TTN: variants seen among roughly 807,000 people sequenced by gnomAD.
The protein encoded by TTN is titin.
A neutral mutation model predicts 3,223.0 loss-of-function variants in TTN; 1,525 were observed. The ratio of observed to expected loss-of-function variants is 0.47; its 90% CI spans 0.45 to 0.49. TTN has a LOEUF of 0.49. TTN is among the 20% of genes least tolerant of loss of function. TTN has a pLI of 0.00. For synonymous variants in TTN, 14,094 were observed against 15,161.0 expected, an observed-to-expected ratio of 0.93 and a Z score of 5.17; for missense variants, 40,786 against 43,424.0, an observed-to-expected ratio of 0.94 and a Z score of 5.40.
chr2:178,794,551 C>T lies in TTN; in HGVS notation c.1246G>A (p.Val416Met), dbSNP rs1361179427. 1.1e-5 allele frequency: 17 copies of T among 1,614,158 alleles called. No individual in the cohort carries two copies. Among genetic ancestry groups the T allele is most frequent in the Non-Finnish European group, 1.4e-5 (17 of 1,180,006 alleles). ...AEAVATGAKEVKQDADKSAAV... is the reference protein window; with the variant it reads ...AEAVATGAKEMKQDADKSAAV... Reference sequence around the variant, plus strand: ...GCACTTTTGTCAGCATCTTGTTTCACCTAGATTAGAAATGACCAAGTAGAT... The same window carrying T: ...GCACTTTTGTCAGCATCTTGTTTCATCTAGATTAGAAATGACCAAGTAGAT... The change falls in exon 8 of 363, where the codon GTG becomes ATG. Residue 416 changes from valine to methionine, a missense_variant and splice_region_variant. Val to Met is a conservative substitution (Grantham distance 21, BLOSUM62 1). Transcript: ENST00000589042.
rs1575837418 is a variant in TTN, at chr2:178,577,751, T to C, written c.68675A>G (p.Asn22892Ser). The change falls in exon 323 of 363, where the codon AAC becomes AGC. Residue 22892 changes from asparagine to serine, a missense_variant. By Grantham distance (46) the Asn-to-Ser change is conservative. Coordinates refer to ENST00000589042, the MANE Select transcript of TTN (RefSeq NM_001267550.2). ...DLPSKSWMKA[N>S]HVNVPECAFT... ...GGCACATTCTGGGACATTAACATGGTTGGCTTTCATCCAAGACTTCGAAGG... is the reference window on the plus strand; with the variant it reads ...GGCACATTCTGGGACATTAACATGGCTGGCTTTCATCCAAGACTTCGAAGG... 2 of 1,613,434 alleles carry C rather than the reference T, an allele frequency of 1.2e-6. No individual in the cohort carries two copies. Among genetic ancestry groups the C allele is most frequent in the Middle Eastern group, 1.7e-4 (1 of 6,054 alleles).
chr2:178,757,146 A>ATGCTTTTTACT (rs1553968665), intron 45 of TTN, among the ~76,000 whole-genome samples: 2 of 14,380 alleles, frequency 1.4e-4, no homozygotes, highest in African/African-American at 3.5e-4. Context: ...CGTCCACTGT[A>ATGCTTTTTACT]TGCTTTAAGT....
In TTN at chr2:178,578,974, A is replaced by T; in HGVS notation, c.68056T>A (p.Ser22686Thr). Residue 22686 changes from serine to threonine, a missense_variant, in exon 320 of 363, where the codon TCT becomes ACT. By Grantham distance (58) the Ser-to-Thr change is moderately conservative (BLOSUM62 1). Coordinates refer to ENST00000589042, the MANE Select transcript of TTN (RefSeq NM_001267550.2). ...ITNYILEKRD[S>T]VNNKWVTCAS... is the part of the protein sequence containing the mutation. ...CACGTCACCCACTTGTTGTTCACAG[A>T]ATCCCTCTTCTCTAGGATATAGTTG... 1 of 1,613,192 alleles carries T rather than the reference A, an allele frequency of 6.2e-7. No individual in the cohort carries two copies. The highest frequency in any genetic ancestry group is 1.1e-5 in the South Asian group (1 of 91,070).
Position 178,601,119 on chromosome 2 carries a change from T to C in TTN, c.55785A>G (p.Thr18595=), listed in dbSNP as rs748815853. The C allele has an allele frequency of 1.9e-6, 3 of 1,573,908 alleles. No individual in the cohort carries two copies. The highest frequency in any genetic ancestry group is 2.7e-5 in the African/African-American group (2 of 73,384). The change falls in exon 288 of 363, where the codon ACA becomes ACG. Residue 18595 remains threonine (T), a synonymous_variant. Coordinates refer to ENST00000589042, the MANE Select transcript of TTN (RefSeq NM_001267550.2). ...KLKIGLITKN[T]VHLSWKPPKN... The stretch of plus-strand genomic sequence containing the variant: ...TCGGGGGTTTCCATGACAGATGCAC[T>C]GTGTTCTTTGTGATGAGGCCAATCT...
chr2:178,534,778 A>G lies in TTN; in HGVS notation c.101837T>C (p.Ile33946Thr), dbSNP rs1559041085. 1 of 1,613,230 alleles carries G rather than the reference A, an allele frequency of 6.2e-7. No individual in the cohort carries two copies. Among genetic ancestry groups the G allele is most frequent in the African/African-American group, 1.3e-5 (1 of 75,012 alleles). The change falls in exon 358 of 363, where the codon ATT (isoleucine) becomes ACT (threonine). Residue 33946 changes from isoleucine (I) to threonine (T), a missense_variant. Coordinates refer to ENST00000589042, the MANE Select transcript of TTN (RefSeq NM_001267550.2). ...GGTAGAGCTTCTTCTGGTTTGGTAA[A>G]TGATATTTTCTGGTCTAATGTCAAA... ...GHFDIRPENI[I>T]YQTRRSSTIK... is the part of the protein sequence containing the mutation.
At position 178,703,039 on chromosome 2, in the gene TTN, C is replaced by T. The variant is rs2154290268; in HGVS notation, c.30224-376G>A. On this transcript the variant is annotated intron_variant, in intron 106 of 362. Transcript: ENST00000589042. Reference sequence around the variant, plus strand: ...ATTCCTCTGTGAAATTCTTTCTTGCCTCAGTAAAATAATTTTTGCTATTCA... The same window carrying T: ...ATTCCTCTGTGAAATTCTTTCTTGCTTCAGTAAAATAATTTTTGCTATTCA... Among the ~76,000 whole-genome samples the T allele has an allele frequency of 2.0e-5, 3 of 152,188 alleles. No homozygotes were observed. The South Asian group carries it at 6.2e-4, about 32-fold the overall frequency.
At position 178,581,719 on chromosome 2, in the gene TTN, G is replaced by C; in HGVS notation, c.66549C>G (p.Asp22183Glu). The C allele has an allele frequency of 1.2e-6, 2 of 1,610,072 alleles. No homozygotes were observed. Among genetic ancestry groups the C allele is most frequent in the Non-Finnish European group, 1.7e-6 (2 of 1,177,968 alleles). ...GATAACCAATGATAGGGCTGCCGCC[G>C]TCATAGGCTGGCTTGCCCCAAGATA... Reference protein sequence around the residue: ...VSLSWGKPAYDGGSPIIGYLV... With the variant: ...VSLSWGKPAYEGGSPIIGYLV... Residue 22183 changes from aspartate to glutamate, a missense_variant, in exon 316 of 363, where the codon GAC (aspartate) becomes GAG (glutamate). Physicochemically the swap from Asp to Glu is conservative, Grantham distance 45. Transcript: ENST00000589042.
rs151185701 is a variant in TTN at position 178,784,264 on chromosome 2, C to G, written c.2581G>C (p.Ala861Pro). The G allele has an allele frequency of 7.4e-6, 12 of 1,613,984 alleles. No homozygotes were observed. Among genetic ancestry groups the G allele is most frequent in the Non-Finnish European group, 9.3e-6 (11 of 1,180,000 alleles). The change falls in exon 16 of 363, where the codon GCT becomes CCT. Residue 861 changes from alanine (A) to proline (P), a missense_variant. Physicochemically the swap from Ala to Pro is conservative, Grantham distance 27. Transcript: ENST00000589042. ...GTCTCACTGGGCTTCACAGTAGGAG[C>G]CTTCACCGATTTGGTGATCTTCTGA... Reference protein sequence around the residue: ...SAQKITKSVKAPTVKPSETRV... With the variant: ...SAQKITKSVKPPTVKPSETRV...
At chr2:178,675,323 T>C in intron 149 of TTN, 1 of 409,848 alleles carries the variant, frequency 2.4e-6, no homozygotes, top group South Asian at 8.1e-5. Context: ...AATTCTACTT[T>C]TTACTGCTGG....
intron 33 of TTN, among the ~76,000 whole-genome samples, chr2:178,772,400 A>C (rs1169381074): frequency 1.3e-5 from 2 of 152,156 alleles, no homozygotes; most frequent in Admixed American, 6.5e-5. Context: ...AACTCCTCAA[A>C]ATTTAAACTG....
Position 178,581,807 on chromosome 2 carries a change from G to T in TTN, c.66464-3C>A. 1.3e-6 allele frequency: 2 copies of T among 1,593,814 alleles called. No homozygotes were observed. The highest frequency in any genetic ancestry group is 1.7e-6 in the Non-Finnish European group (2 of 1,171,162). On this transcript the variant is annotated splice_polypyrimidine_tract_variant and splice_region_variant and intron_variant, in intron 315 of 362. Transcript: ENST00000589042. ...GAAAGCCGGTGGGCCAGGAGGATCT[G>T]AGAATAAATAATGATAGGAAATTTT...
Position 178,547,646 on chromosome 2 carries a change from A to T in TTN, c.93980T>A (p.Val31327Asp). The change falls in exon 339 of 363, where the codon GTC becomes GAC. Residue 31327 changes from valine to aspartate, a missense_variant. Coordinates refer to ENST00000589042, the MANE Select transcript of TTN (RefSeq NM_001267550.2). ...ATCTTTAGGTTCTCCCCATGACAGG[A>T]CACACGATTCAGCTGAGACAGATGA... The part of the protein sequence containing the change: ...EVSSVSAESC[V>D]LSWGEPKDGG... 6.2e-7 allele frequency: 1 copy of T among 1,613,882 alleles called. No individual in the cohort carries two copies. The highest frequency in any genetic ancestry group is 8.5e-7 in the Non-Finnish European group (1 of 1,179,818).
chr2:178,740,976 G>A lies in TTN; in HGVS notation c.12257C>T (p.Thr4086Ile). The A allele has an allele frequency of 6.2e-7, 1 of 1,613,920 alleles. No homozygotes were observed. The highest frequency in any genetic ancestry group is 2.2e-5 in the East Asian group (1 of 44,864). ...ATAAGATAGTTGCTGGTTTTCTTCTGTAATTAAAGCAGCTTTCAAAATGGT... is the reference window on the plus strand; with the variant it reads ...ATAAGATAGTTGCTGGTTTTCTTCTATAATTAAAGCAGCTTTCAAAATGGT... ...KDTILKAALITEENQQLSYEH... is the reference protein window; with the variant it reads ...KDTILKAALIIEENQQLSYEH... Residue 4086 changes from threonine (T) to isoleucine (I), a missense_variant, in exon 48 of 363, where the codon ACA (threonine) becomes ATA (isoleucine). Coordinates refer to ENST00000589042, the MANE Select transcript of TTN (RefSeq NM_001267550.2).
At chr2:178,706,420 T>C in intron 102 of TTN, 34 bp downstream of exon 102, 2 of 1,567,230 alleles carry the variant, frequency 1.3e-6, no homozygotes, top group Non-Finnish European at 1.7e-6. Context: ...TATGGAGGGC[T>C]GATTGTACGA....
In TTN at chr2:178,665,418, A is replaced by C; in HGVS notation, c.36002T>G (p.Phe12001Cys). Residue 12001 changes from phenylalanine (F) to cysteine (C), a missense_variant, in exon 165 of 363, where the codon TTT becomes TGT. Physicochemically the swap from Phe to Cys is radical, Grantham distance 205 (BLOSUM62 -2). Coordinates refer to ENST00000589042, the MANE Select transcript of TTN (RefSeq NM_001267550.2). ...MKEVVPEMKI[F>C]EDVPEEPETP... The stretch of plus-strand genomic sequence containing the variant: ...TTCTGGCTCTTCAGGTACATCCTCA[A>C]ATATTTTCATTTCAGGGACAACTTC... The C allele has an allele frequency of 6.2e-7, 1 of 1,612,450 alleles. No individual in the cohort carries two copies. The highest frequency in any genetic ancestry group is 8.5e-7 in the Non-Finnish European group (1 of 1,179,606).
chr2:178,548,481 G>T lies in TTN; in HGVS notation c.93145C>A (p.His31049Asn). The change falls in exon 339 of 363, where the codon CAT becomes AAT. Residue 31049 changes from histidine to asparagine, a missense_variant. Coordinates refer to ENST00000589042, the MANE Select transcript of TTN (RefSeq NM_001267550.2). This position sits in a 1 kb window ranked among gnomAD's most constrained non-coding sequence, Gnocchi z 4.3. ...APLLDGGARIHHYVVEKREAS... is the reference protein window; with the variant it reads ...APLLDGGARINHYVVEKREAS... ...TCTCGTTTCTCTACCACATAATGAT[G>T]GATTCGGGCACCACCGTCAAGAAGA... 1 of 1,613,704 alleles carries T rather than the reference G, an allele frequency of 6.2e-7. No homozygotes were observed. Among genetic ancestry groups the T allele is most frequent in the East Asian group, 2.2e-5 (1 of 44,856 alleles).
Position 178,740,384 on chromosome 2 carries a change from A to AG in TTN, c.12848dup (p.Gln4284SerfsTer5). ...GGACTAGGGGCTCATAGTTTACCTGAGAGATCATGACATCAGGACTCTGGA... is the reference window on the plus strand; with the variant it reads ...GGACTAGGGGCTCATAGTTTACCTGAGGAGATCATGACATCAGGACTCTGGA... On this transcript the variant is annotated frameshift_variant, in exon 48 of 363. Coordinates refer to ENST00000589042, the MANE Select transcript of TTN (RefSeq NM_001267550.2). LOFTEE classifies it high-confidence loss of function. 1 of 1,613,434 alleles carries AG rather than the reference A, an allele frequency of 6.2e-7. No individual in the cohort carries two copies. Among genetic ancestry groups the AG allele is most frequent in the South Asian group, 1.1e-5 (1 of 91,020 alleles).
chr2:178,609,752 G>C lies in TTN; in HGVS notation c.51671C>G (p.Ala17224Gly), dbSNP rs2055864896. Residue 17224 changes from alanine to glycine, a missense_variant, in exon 272 of 363, where the codon GCA (alanine) becomes GGA (glycine). Coordinates refer to ENST00000589042, the MANE Select transcript of TTN (RefSeq NM_001267550.2). ...EGKEYQFRVR[A>G]ENAAGISEPS... is the part of the protein sequence containing the mutation. ...TTCACTAATACCCGCGGCGTTCTCT[G>C]CTCGCACACGGAATTGGTACTCTTT... 1.2e-6 allele frequency: 2 copies of C among 1,612,522 alleles called. No homozygotes were observed. Among genetic ancestry groups the C allele is most frequent in the Non-Finnish European group, 8.5e-7 (1 of 1,179,078 alleles).
chr2:178,718,356 A>G lies in TTN; in HGVS notation c.24750T>C (p.Gly8250=), dbSNP rs765413899. 2.5e-6 allele frequency: 4 copies of G among 1,613,704 alleles called. No individual in the cohort carries two copies. The highest frequency in any genetic ancestry group is 1.1e-5 in the South Asian group (1 of 91,064). Residue 8250 remains glycine, a synonymous_variant, in exon 85 of 363, where the codon GGT becomes GGC. Transcript: ENST00000589042. The part of the protein sequence containing the change: ...QYSCLIENEA[G]QDICEALVSV... ...ACACCAGAGCTTCACAGATATCTTGACCAGCCTCATTTTCTATCAGGCAGC... is the reference window on the plus strand; with the variant it reads ...ACACCAGAGCTTCACAGATATCTTGGCCAGCCTCATTTTCTATCAGGCAGC...
Sources: gnomAD v4.1 joint callset for allele counts (sites outside exome capture counted in the v4.1 genomes callset) on GRCh38, gnomAD v4.1.1 for gene constraint, Gnocchi (gnomAD v3.1) non-coding constraint, MANE v1.5 for transcripts, NCBI Gene and HGNC (gene_info 2026-07-23, HGNC 2026-07-21) for gene names.